Variants in DCP1A observed in about 807,000 individuals in gnomAD.
The protein encoded by DCP1A is mRNA-decapping enzyme 1A.
DCP1A carries 20 observed loss-of-function variants against 58.0 expected under a neutral mutation model. The observed-to-expected ratio is 0.34, with a 90% confidence interval of 0.24 to 0.50. The LOEUF (loss-of-function observed/expected upper bound fraction) is 0.50, where lower values mean the gene tolerates loss of function less well. Ranked by LOEUF, DCP1A falls within the 20% of genes least tolerant of loss-of-function variation. DCP1A has a pLI of 0.98. For synonymous variants in DCP1A, 285 were observed against 275.1 expected (o/e 1.04, Z -0.36); for missense variants, 613 against 712.2 (o/e 0.86, Z 1.59).
chr3:53,297,357 CTT>C (rs1174431632), intron 6 of DCP1A, among the ~76,000 whole-genome samples: 12 of 138,272 alleles, frequency 8.7e-5, no homozygotes, highest in East Asian at 2.1e-4. Flanking sequence ...AACACTAATT[CTT>C]TTTTTTTTTT....
chr3:53,309,554 G>A (rs1236670442), intron 5 of DCP1A, among the ~76,000 whole-genome samples: 7 of 152,154 alleles, frequency 4.6e-5, no homozygotes, highest in Non-Finnish European at 7.4e-5. Flanking sequence ...GAGCCCAGGA[G>A]CTTGTCAAGA....
intron 5 of DCP1A, 48 bp from the exon 6 acceptor site, chr3:53,304,338 T>C (rs35734433): frequency 0.069 from 98,984 of 1,436,912 alleles, 3,938 homozygotes; most frequent in Non-Finnish European, 0.079. Context: ...AAAAATTTGC[T>C]ATTATTTGGC....
chr3:53,300,303 C>T lies in DCP1A; in HGVS notation c.624+3874G>A, dbSNP rs551632862. 4.4e-4 allele frequency among the ~76,000 whole-genome samples: 66 copies of T among 151,148 alleles called. No individual in the cohort carries two copies. In the South Asian group the frequency reaches 0.014, roughly 31 times the overall value. Reference sequence around the variant, plus strand: ...GGCTTAGCATCTATGGCTTGTCACACTCATTTTTCATCTTTCAATGGACAG... The same window carrying T: ...GGCTTAGCATCTATGGCTTGTCACATTCATTTTTCATCTTTCAATGGACAG... On this transcript the variant is annotated intron_variant, in intron 6 of 9. Transcript: ENST00000610213.
chr3:53,338,675 C>T (rs1181925022), intron 3 of DCP1A, among the ~76,000 whole-genome samples: 1 of 151,852 alleles, frequency 6.6e-6, no homozygotes. Context: ...TCCTAGCTAA[C>T]ACGGTGAAAC....
chr3:53,347,119 G>A (rs1205959263), intron 1 of DCP1A, among the ~76,000 whole-genome samples: 6 of 152,108 alleles, frequency 3.9e-5, no homozygotes, highest in African/African-American at 1.4e-4. Context: ...CCCCAGACCC[G>A]ACGCCAAGGG....
chr3:53,298,150 T>C (rs1707190785), intron 6 of DCP1A, among the ~76,000 whole-genome samples: 1 of 152,144 alleles, frequency 6.6e-6, no homozygotes, highest in South Asian at 2.1e-4. Flanking sequence ...CCCAAGAGTT[T>C]GAGGTTACAG....
chr3:53,326,980 C>CG (rs1262004013), intron 3 of DCP1A, among the ~76,000 whole-genome samples: 1 of 149,780 alleles, frequency 6.7e-6, no homozygotes. Context: ...TGTCCAACCC[C>CG]CCCCCCCCAA....
intron 4 of DCP1A, 69 bp downstream of exon 4, chr3:53,319,337 GA>G (rs1279649079): frequency 1.2e-5 from 12 of 1,006,482 alleles, no homozygotes; most frequent in Middle Eastern, 2.1e-4. Context: ...TAGTAACAAA[GA>G]GAAGTGGGAG....
chr3:53,304,682 C>T (rs940584809), intron 5 of DCP1A, among the ~76,000 whole-genome samples: 1 of 152,140 alleles, frequency 6.6e-6, no homozygotes, highest in African/African-American at 2.4e-5. Flanking sequence ...AAGCGATTCT[C>T]CTGCCTCAGC....
chr3:53,318,149 C>CA (rs1391096849), intron 4 of DCP1A, among the ~76,000 whole-genome samples: 1 of 151,884 alleles, frequency 6.6e-6, no homozygotes, highest in Non-Finnish European at 1.5e-5. Context: ...ACCCACCCCC[C>CA]AAAAAATTAG....
intron 1 of DCP1A, 89 bp downstream of exon 1, chr3:53,347,294 T>G: frequency 7.2e-7 from 1 of 1,379,798 alleles, no homozygotes; most frequent in Non-Finnish European, 9.4e-7. Flanking sequence ...GGCCTCTTAG[T>G]GTGCCCCCCC....
intron 6 of DCP1A, among the ~76,000 whole-genome samples, chr3:53,302,517 C>G (rs2106817086): frequency 6.6e-6 from 1 of 152,152 alleles, no homozygotes; most frequent in East Asian, 1.9e-4. Context: ...GGGCAGGAGA[C>G]AGACAAAAAA....
chr3:53,312,061 C>G (rs1707661051), intron 5 of DCP1A, among the ~76,000 whole-genome samples, 180 bp downstream of exon 5: 1 of 152,178 alleles, frequency 6.6e-6, no homozygotes, highest in Admixed American at 6.5e-5. Flanking sequence ...AGTGATCTTC[C>G]TTCCTCAGCC....
intron 8 of DCP1A, among the ~76,000 whole-genome samples, chr3:53,290,151 A>C (rs541908489): frequency 1.9e-3 from 291 of 152,276 alleles, no homozygotes; most frequent in African/African-American, 6.7e-3. Flanking sequence ...CTAAAAAAAA[A>C]CCTGTGTGCA....
At chr3:53,327,721 G>A (rs1553690767) in intron 3 of DCP1A, among the ~76,000 whole-genome samples, 1 of 151,820 alleles carries the variant, frequency 6.6e-6, no homozygotes, top group African/African-American at 2.4e-5. Context: ...AGCCTGGGAG[G>A]CAGAGGTTGC....
At chr3:53,302,406 T>A (rs933557810) in intron 6 of DCP1A, among the ~76,000 whole-genome samples, 2 of 152,196 alleles carry the variant, frequency 1.3e-5, no homozygotes, top group African/African-American at 4.8e-5. Flanking sequence ...ATGCTAAGGA[T>A]ACAGCAATGA....
In DCP1A at chr3:53,292,295, C is replaced by T; in HGVS notation, c.1157G>A (p.Gly386Asp). 6.2e-7 allele frequency: 1 copy of T among 1,613,830 alleles called. No individual in the cohort carries two copies. Among genetic ancestry groups the T allele is most frequent in the Non-Finnish European group, 8.5e-7 (1 of 1,179,772 alleles). The part of the protein sequence containing the change: ...RAPLNVTNTA[G>D]TSLPSVDLLQ... ...AAGATCAACGCTTGGGAGGGATGTG[C>T]CAGCTGTGTTCGTCACGTTCAATGG... The change falls in exon 7 of 10, where the codon GGC (glycine) becomes GAC (aspartate). Residue 386 changes from glycine to aspartate, a missense_variant. Around this residue, in one of 3 missense-constraint regions of DCP1A, gnomAD observed 498 missense variants for 556.7 expected, o/e 0.89. Transcript: ENST00000610213.
At chr3:53,304,398 G>A in intron 5 of DCP1A, 108 bp from the exon 6 acceptor site, 1 of 730,186 alleles carries the variant, frequency 1.4e-6, no homozygotes. Context: ...TTAAAAAGAA[G>A]AAGAAAAACC....
At chr3:53,327,991 C>A (rs960250586) in intron 3 of DCP1A, among the ~76,000 whole-genome samples, 6 of 152,090 alleles carry the variant, frequency 3.9e-5, no homozygotes, top group African/African-American at 1.4e-4. Flanking sequence ...GGCATGGTGG[C>A]GTGTGCCTGT....
Sources: allele counts gnomAD v4.1 joint callset (sites outside exome capture counted in the v4.1 genomes callset), GRCh38; gene constraint gnomAD v4.1.1; regional missense constraint gnomAD v4.1.1; transcripts MANE v1.5; gene names NCBI Gene and HGNC (gene_info 2026-07-23, HGNC 2026-07-21).